The following SLC23A2 variants were observed in gnomAD, a reference collection of about 807,000 sequenced individuals.
SLC23A2 encodes the protein solute carrier family 23 member 2.
Under a neutral mutation model 73.3 loss-of-function variants are expected in SLC23A2, and 36 were observed. The ratio of observed to expected loss-of-function variants is 0.49; its 90% CI spans 0.38 to 0.65. SLC23A2 has a LOEUF of 0.65. SLC23A2 is among the 30% of genes least tolerant of loss of function. The probability of loss-of-function intolerance (pLI) is 0.00; values close to 1 mark genes in which losing one functional copy is unlikely to be tolerated. For synonymous variants in SLC23A2, 343 were observed against 327.3 expected (o/e 1.05, Z -0.52); for missense variants, 507 against 841.6 (o/e 0.60, Z 4.92).
upstream of SLC23A2, among the ~76,000 whole-genome samples, chr20:5,001,915 G>T (rs1180390812): frequency 6.6e-6 from 1 of 151,990 alleles, no homozygotes; most frequent in Non-Finnish European, 1.5e-5. Flanking sequence ...CAGTGGGTTG[G>T]ATGTTTTAAA....
At chr20:4,897,022 G>A (rs1931553863) in intron 6 of SLC23A2, among the ~76,000 whole-genome samples, 1 of 152,120 alleles carries the variant, frequency 6.6e-6, no homozygotes, top group African/African-American at 2.4e-5. Flanking sequence ...CTCCCACCAA[G>A]TCCCCTGGAG....
chr20:4,856,935 T>C lies in SLC23A2; in HGVS notation c.*37A>G. 2 of 1,310,968 alleles carry C rather than the reference T, an allele frequency of 1.5e-6. No homozygotes were observed. Among genetic ancestry groups the C allele is most frequent in the South Asian group, 1.2e-5 (1 of 83,588 alleles). 81.2% of individuals were successfully genotyped at this position (1,310,968 alleles called of 1,614,324 possible). A position where few individuals can be genotyped will look rare whatever the true frequency, so the allele number is the denominator to read the frequency against. The stretch of plus-strand genomic sequence containing the variant: ...TACTCAGCAAGGAACTACAGATACA[T>C]GCCTCACTGCGGCCAGGCCACAGGG... On this transcript the variant is annotated 3_prime_UTR_variant, in exon 17 of 17. Coordinates refer to ENST00000338244, the MANE Select transcript of SLC23A2 (RefSeq NM_005116.6). This position sits in a 1 kb window ranked among gnomAD's most constrained non-coding sequence, Gnocchi z 4.6.
At chr20:4,891,647 C>T (rs138681013) in intron 6 of SLC23A2, among the ~76,000 whole-genome samples, 2 of 152,342 alleles carry the variant, frequency 1.3e-5, no homozygotes, top group South Asian at 2.1e-4. Flanking sequence ...GCTGTGCACC[C>T]GCTGCACTAC....
chr20:4,874,868 T>C (rs1030754069), intron 9 of SLC23A2, among the ~76,000 whole-genome samples, 172 bp from the exon 10 acceptor site: 1 of 152,222 alleles, frequency 6.6e-6, no homozygotes, highest in African/African-American at 2.4e-5. Context: ...AATGTACATC[T>C]TTTGGAAATA....
intron 8 of SLC23A2, among the ~76,000 whole-genome samples, chr20:4,884,445 G>C (rs1287818468): frequency 6.6e-6 from 1 of 152,224 alleles, no homozygotes; most frequent in Non-Finnish European, 1.5e-5. Context: ...ATCTGTCGAT[G>C]ATGAGCCTCT....
At chr20:4,960,297 A>T (rs550059748) in intron 2 of SLC23A2, among the ~76,000 whole-genome samples, 1 of 152,368 alleles carries the variant, frequency 6.6e-6, no homozygotes, top group African/African-American at 2.4e-5. Flanking sequence ...GAATTCCTGT[A>T]TCTTGTTGAC....
intron 1 of SLC23A2, among the ~76,000 whole-genome samples, chr20:5,000,269 C>T (rs1045259166): frequency 4.6e-5 from 7 of 152,116 alleles, no homozygotes; most frequent in African/African-American, 1.4e-4. Flanking sequence ...CAACCAGAAA[C>T]GGTGAGGCCC....
chr20:4,859,272 T>G lies in SLC23A2; in HGVS notation c.1720+17A>C. 4.1e-6 allele frequency: 6 copies of G among 1,458,182 alleles called. No homozygotes were observed. Among genetic ancestry groups the G allele is most frequent in the Non-Finnish European group, 5.7e-6 (6 of 1,052,210 alleles). 90.3% of individuals were successfully genotyped at this position (1,458,182 alleles called of 1,614,324 possible). A position where few individuals can be genotyped will look rare whatever the true frequency, so the allele number is the denominator to read the frequency against. On this transcript the variant is annotated intron_variant, in intron 16 of 16. Coordinates refer to ENST00000338244, the MANE Select transcript of SLC23A2 (RefSeq NM_005116.6). ...AAAATAAAAAAAAAAAAAGTGTGTT[T>G]GATATATACCACGTACCTGGGATGG...
intron 2 of SLC23A2, among the ~76,000 whole-genome samples, chr20:4,970,501 G>A (rs1422733442): frequency 6.6e-6 from 1 of 152,178 alleles, no homozygotes; most frequent in Non-Finnish European, 1.5e-5. Context: ...GGGAGGTAGA[G>A]GCAGGAGGAT....
intron 1 of SLC23A2, among the ~76,000 whole-genome samples, chr20:5,000,062 A>G (rs1158647203): frequency 6.6e-6 from 1 of 152,178 alleles, no homozygotes; most frequent in Non-Finnish European, 1.5e-5. Flanking sequence ...GGTGCCCAAA[A>G]GCCATTAAAT....
intron 11 of SLC23A2, among the ~76,000 whole-genome samples, chr20:4,871,347 G>T (rs553510011): frequency 7.2e-5 from 11 of 152,274 alleles, no homozygotes; most frequent in African/African-American, 2.6e-4. Context: ...GCGAAGTCGG[G>T]CCCTGGCCAG....
intron 1 of SLC23A2, among the ~76,000 whole-genome samples, chr20:4,991,007 A>G (rs1342493058): frequency 2.6e-5 from 4 of 151,676 alleles, no homozygotes; most frequent in African/African-American, 9.7e-5. Context: ...CACAGCATAC[A>G]AACTGCAAGC....
At chr20:4,892,948 G>A (rs978019857) in intron 6 of SLC23A2, among the ~76,000 whole-genome samples, 1 of 152,096 alleles carries the variant, frequency 6.6e-6, no homozygotes, top group African/African-American at 2.4e-5. Flanking sequence ...CATATGAGAT[G>A]ATGAAACAGA....
intron 8 of SLC23A2, among the ~76,000 whole-genome samples, chr20:4,884,441 C>T (rs895692390): frequency 6.6e-5 from 10 of 152,186 alleles, no homozygotes; most frequent in African/African-American, 2.2e-4. Flanking sequence ...TGCTATCTGT[C>T]GATGATGAGC....
intron 9 of SLC23A2, among the ~76,000 whole-genome samples, chr20:4,875,380 T>C (rs1191572412): frequency 1.3e-5 from 2 of 152,034 alleles, no homozygotes; most frequent in Non-Finnish European, 2.9e-5. Context: ...ATCTCAACCT[T>C]ACGGGGTGGC....
intron 1 of SLC23A2, among the ~76,000 whole-genome samples, chr20:4,983,879 C>G (rs1362817935): frequency 2.6e-5 from 4 of 151,034 alleles, no homozygotes; most frequent in Non-Finnish European, 5.9e-5. Flanking sequence ...TTGCTTGAAC[C>G]CGGGAGGCGG....
intron 2 of SLC23A2, among the ~76,000 whole-genome samples, chr20:4,934,217 C>T (rs532105819): frequency 3.9e-5 from 6 of 152,188 alleles, no homozygotes; most frequent in Non-Finnish European, 8.8e-5. Flanking sequence ...GTTCTCAATC[C>T]AGAGTAATTT....
At chr20:4,985,792 C>A (rs145098371) in intron 1 of SLC23A2, among the ~76,000 whole-genome samples, 1 of 152,068 alleles carries the variant, frequency 6.6e-6, no homozygotes, top group Non-Finnish European at 1.5e-5. Context: ...CAGAAGAGAA[C>A]ATCTATAGAA....
intron 2 of SLC23A2, among the ~76,000 whole-genome samples, chr20:4,965,918 G>A (rs1007547952): frequency 9.0e-5 from 13 of 144,990 alleles, no homozygotes; most frequent in Admixed American, 2.2e-4. Context: ...AGTGACCCAA[G>A]ATTGTGCCAC....
Sources: gnomAD v4.1 joint callset for allele counts (sites outside exome capture counted in the v4.1 genomes callset) on GRCh38, gnomAD v4.1.1 for gene constraint, Gnocchi (gnomAD v3.1) non-coding constraint, MANE v1.5 for transcripts, NCBI Gene and HGNC (gene_info 2026-07-23, HGNC 2026-07-21) for gene names.